E2F7: variants seen among roughly 807,000 people sequenced by gnomAD.
The protein encoded by E2F7 is transcription factor E2F7.
E2F7 carries 35 observed loss-of-function variants against 81.1 expected under a neutral mutation model. The observed-to-expected ratio is 0.43, with a 90% CI of 0.33 to 0.57. The LOEUF (loss-of-function observed/expected upper bound fraction) is 0.57, where lower values mean the gene tolerates loss of function less well. Ranked by LOEUF, E2F7 falls within the 20% of genes least tolerant of loss-of-function variation. The pLI is 0.04. For missense variants in E2F7, 961 were observed against 1,093.7 expected (o/e 0.88, Z 1.71); for synonymous variants, 416 against 416.2 (o/e 1.00, Z 0.01).
chr12:77,052,887 A>G (rs2120731854), intron 3 of E2F7, among the ~76,000 whole-genome samples: 1 of 152,288 alleles, frequency 6.6e-6, no homozygotes, highest in East Asian at 1.9e-4. Flanking sequence ...AGCAAAAAAC[A>G]TGGTGGCCAG....
intron 10 of E2F7, among the ~76,000 whole-genome samples, chr12:77,028,644 G>C (rs1954779051): frequency 6.6e-6 from 1 of 151,322 alleles, no homozygotes; most frequent in African/African-American, 2.4e-5. Context: ...ATTTTGTTTT[G>C]TGTGTATTTT....
At position 77,045,752 on chromosome 12, in the gene E2F7, G is replaced by A. The variant is rs1592561992; in HGVS notation, c.829+286C>T. 7.9e-6 allele frequency: 3 copies of A among 377,550 alleles called. No individual in the cohort carries two copies. The East Asian group carries it at 1.3e-4, about 16-fold the overall frequency. The allele number at this position is 377,550 out of a possible 1,614,324, so 23.4% of individuals were successfully genotyped here. ...AGTAAATCTTACAGTTGCACAAAAA[G>A]AACCAGCATGGGGCTGCCAATCTAA... On this transcript the variant is annotated intron_variant, in intron 5 of 12. Coordinates refer to ENST00000322886, the MANE Select transcript of E2F7 (RefSeq NM_203394.3).
intron 7 of E2F7, among the ~76,000 whole-genome samples, chr12:77,038,123 G>T (rs1954868304): frequency 6.6e-6 from 1 of 152,128 alleles, no homozygotes; most frequent in African/African-American, 2.4e-5. Context: ...TATGCAGACA[G>T]AGTTCATGAT....
At position 77,022,116 on chromosome 12, in the gene E2F7, G is replaced by C. The variant is rs1023185202; in HGVS notation, c.*1899C>G. 1 of 152,228 alleles carries C rather than the reference G, an allele frequency of 6.6e-6. No individual in the cohort carries two copies. Among genetic ancestry groups the C allele is most frequent in the East Asian group, 1.9e-4 (1 of 5,180 alleles). 9.4% of individuals were successfully genotyped at this position (152,228 alleles called of 1,614,324 possible). ...GAGGGGAAAAGCAATTTCTGTTTCC[G>C]TCTAAATGCAGACCTCTCCATGAAA... On this transcript the variant is annotated 3_prime_UTR_variant, in exon 13 of 13. Transcript: ENST00000322886.
intron 4 of E2F7, among the ~76,000 whole-genome samples, chr12:77,049,489 A>G (rs556813271): frequency 2.6e-5 from 4 of 152,304 alleles, no homozygotes; most frequent in African/African-American, 9.6e-5. Flanking sequence ...TAACTTTGCT[A>G]TATCTCTGCA....
At chr12:77,064,301 T>G (rs1454938259) in intron 2 of E2F7, among the ~76,000 whole-genome samples, 1 of 152,230 alleles carries the variant, frequency 6.6e-6, no homozygotes, top group African/African-American at 2.4e-5. Flanking sequence ...TATTTTTGAC[T>G]TATATAAATT....
Position 77,030,264 on chromosome 12 carries a change from G to A in E2F7, c.1451C>T (p.Pro484Leu). The change falls in exon 10 of 13, where the codon CCT becomes CTT. Residue 484 changes from proline (P) to leucine (L), a missense_variant. Pro to Leu is a moderately conservative substitution (Grantham distance 98). Around this residue, in one of 3 missense-constraint regions of E2F7, gnomAD observed 587 missense variants for 620.3 expected, o/e 0.95. Coordinates refer to ENST00000322886, the MANE Select transcript of E2F7 (RefSeq NM_203394.3). ...SSSLDPVAPF[P>L]VLSVDPEYCV... ...ATATTCTGGGTCAACAGAGAGGACA[G>A]GGAAAGGAGCAACAGGGTCCAAGCT... 1 of 1,608,442 alleles carries A rather than the reference G, an allele frequency of 6.2e-7. No individual in the cohort carries two copies. Among genetic ancestry groups the A allele is most frequent in the Non-Finnish European group, 8.5e-7 (1 of 1,176,530 alleles).
chr12:77,028,976 G>A (rs141684427), intron 10 of E2F7, among the ~76,000 whole-genome samples: 1 of 152,292 alleles, frequency 6.6e-6, no homozygotes, highest in Non-Finnish European at 1.5e-5. Flanking sequence ...TGGAAAACTG[G>A]CCATGGTGGT....
intron 9 of E2F7, 129 bp from the exon 10 acceptor site, chr12:77,030,461 G>A: frequency 8.5e-7 from 1 of 1,174,452 alleles, no homozygotes; most frequent in South Asian, 1.7e-5. Context: ...AAGCGCACTT[G>A]CTGAGCACGT....
At chr12:77,039,843 CA>C (rs1954881248) in intron 7 of E2F7, among the ~76,000 whole-genome samples, 4 of 152,116 alleles carry the variant, frequency 2.6e-5, no homozygotes, top group Admixed American at 2.0e-4. Context: ...TATGCCCATA[CA>C]AAGACATGTA....
intron 11 of E2F7, among the ~76,000 whole-genome samples, 161 bp from the exon 12 acceptor site, chr12:77,026,143 C>T (rs184779749): frequency 2.0e-5 from 3 of 152,280 alleles, no homozygotes; most frequent in African/African-American, 4.8e-5. Context: ...ACACCCTGCT[C>T]CTTCACAGCT....
At chr12:77,034,395 C>G (rs1035371020) in intron 7 of E2F7, among the ~76,000 whole-genome samples, 3 of 152,216 alleles carry the variant, frequency 2.0e-5, no homozygotes, top group Admixed American at 6.5e-5. Context: ...AAAGCCCGAC[C>G]ATGCTCAGCC....
At position 77,029,940 on chromosome 12, in the gene E2F7, G is replaced by C; in HGVS notation, c.1775C>G (p.Ala592Gly). ...ATVELSSAPS[A>G]QKRLCEERKP... is the part of the protein sequence containing the mutation. The stretch of plus-strand genomic sequence containing the variant: ...CCTCTCCTCACAGAGGCGCTTCTGA[G>C]CTGAGGGTGCAGATGACAGCTCTAC... Residue 592 changes from alanine (A) to glycine (G), a missense_variant, in exon 10 of 13, where the codon GCT (alanine) becomes GGT (glycine). Ala to Gly is a moderately conservative substitution (Grantham distance 60). Around this residue, in one of 3 missense-constraint regions of E2F7, gnomAD observed 587 missense variants for 620.3 expected, o/e 0.95. Coordinates refer to ENST00000322886, the MANE Select transcript of E2F7 (RefSeq NM_203394.3). 1 of 1,614,226 alleles carries C rather than the reference G, an allele frequency of 6.2e-7. No individual in the cohort carries two copies. Among genetic ancestry groups the C allele is most frequent in the Non-Finnish European group, 8.5e-7 (1 of 1,180,044 alleles).
Position 77,055,939 on chromosome 12 carries a change from G to A in E2F7, c.285C>T (p.Ser95=), listed in dbSNP as rs778219248. 1.2e-6 allele frequency: 2 copies of A among 1,613,970 alleles called. No homozygotes were observed. The highest frequency in any genetic ancestry group is 3.3e-5 in the Admixed American group (2 of 59,982). The stretch of plus-strand genomic sequence containing the variant: ...TCTTCTCCCGGTCCCTTATATCTGG[G>A]CTGGCAGCACTAATGAGCATCTTCA... The part of the protein sequence containing the change: ...ANLKMLISAA[S]PDIRDREKKK... The change falls in exon 3 of 13, where the codon AGC becomes AGT. Residue 95 remains serine, a synonymous_variant. Transcript: ENST00000322886.
intron 3 of E2F7, among the ~76,000 whole-genome samples, chr12:77,054,254 A>C (rs146918263): frequency 0.011 from 1,675 of 152,254 alleles, 26 homozygotes; most frequent in African/African-American, 0.038. Context: ...AAACTACTTA[A>C]AACACTTGAC....
intron 10 of E2F7, 85 bp from the exon 11 acceptor site, chr12:77,028,223 C>T: frequency 2.0e-6 from 3 of 1,502,194 alleles, no homozygotes; most frequent in Admixed American, 2.1e-5. Context: ...GATGGAGTCT[C>T]ACTCTGTTGC....
chr12:77,053,512 G>C (rs1365614410), intron 3 of E2F7, among the ~76,000 whole-genome samples: 1 of 152,110 alleles, frequency 6.6e-6, no homozygotes, highest in African/African-American at 2.4e-5. Context: ...AAACAGTTTT[G>C]ACCTCCTGAC....
In E2F7 at chr12:77,023,996, C is replaced by CG. The variant is rs137993973; in HGVS notation, c.*18_*19insC. On this transcript the variant is annotated 3_prime_UTR_variant, in exon 13 of 13. Coordinates refer to ENST00000322886, the MANE Select transcript of E2F7 (RefSeq NM_203394.3). Reference sequence around the variant, plus strand: ...CTCTCAGGGCGTTTGATCCCACCCCCACCTGGCAAAGCGGCAGGTTAGTCA... The same window carrying CG: ...CTCTCAGGGCGTTTGATCCCACCCCCGACCTGGCAAAGCGGCAGGTTAGTCA... The CG allele has an allele frequency of 6.2e-7, 1 of 1,611,678 alleles. No homozygotes were observed. Among genetic ancestry groups the CG allele is most frequent in the South Asian group, 1.1e-5 (1 of 90,882 alleles).
At chr12:77,056,933 C>A (rs1192489050) in intron 2 of E2F7, among the ~76,000 whole-genome samples, 1 of 150,718 alleles carries the variant, frequency 6.6e-6, no homozygotes, top group African/African-American at 2.4e-5. Context: ...TGTTGCCCAG[C>A]CTGAGTACAG....
Sources: gnomAD v4.1 joint callset for allele counts (sites outside exome capture counted in the v4.1 genomes callset) on GRCh38, gnomAD v4.1.1 for gene constraint, gnomAD v4.1.1 regional missense constraint, MANE v1.5 for transcripts, NCBI Gene and HGNC (gene_info 2026-07-23, HGNC 2026-07-21) for gene names.